The following SEC24C variants were observed in gnomAD, a reference collection of about 807,000 sequenced individuals.
SEC24C encodes the protein SEC24 homolog C, COPII component.
In SEC24C, 22 loss-of-function variants were observed where a neutral mutation model predicts 117.0. The observed-to-expected ratio is 0.19, with a 90% CI of 0.13 to 0.27. SEC24C has a LOEUF of 0.27. Among genes scored for constraint, SEC24C ranks in the 10% least tolerant of loss-of-function variants. The pLI is 1.00. For missense variants in SEC24C, 1,155 were observed against 1,375.1 expected (o/e 0.84, Z 2.53); for synonymous variants, 506 against 529.4 (o/e 0.96, Z 0.61).
In SEC24C at chr10:73,771,515, T is replaced by A. The variant is rs2082982408; in HGVS notation, c.*420T>A. 5.6e-6 allele frequency: 1 copy of A among 179,982 alleles called. No homozygotes were observed. The highest frequency in any genetic ancestry group is 1.2e-4 in the South Asian group (1 of 8,658). 11.1% of individuals were successfully genotyped at this position (179,982 alleles called of 1,614,324 possible). A position where few individuals can be genotyped will look rare whatever the true frequency, so the allele number is the denominator to read the frequency against. On this transcript the variant is annotated 3_prime_UTR_variant, in exon 23 of 23. Coordinates refer to ENST00000345254, the MANE Select transcript of SEC24C (RefSeq NM_198597.3). ...GCTCAGTGTCATCCACAACTTCCTA[T>A]ATTAGGGATAAAACATATAGGTGCA...
intron 8 of SEC24C, among the ~76,000 whole-genome samples, chr10:73,764,351 C>T (rs554116850): frequency 3.9e-5 from 6 of 152,110 alleles, no homozygotes; most frequent in East Asian, 1.9e-4. Flanking sequence ...GGTGAAACCC[C>T]GTCTCTATGA....
chr10:73,770,771 A>G lies in SEC24C; in HGVS notation c.3117A>G (p.Leu1039=), dbSNP rs145752064. ...AGGTTCGAGGCCTCATTGATAGCTTACGGGCACAGAGATCCCGGTACATGA... is the reference window on the plus strand; with the variant it reads ...AGGTTCGAGGCCTCATTGATAGCTTGCGGGCACAGAGATCCCGGTACATGA... The part of the protein sequence containing the change: ...SKKVRGLIDS[L]RAQRSRYMKL... The change falls in exon 22 of 23, where the codon TTA becomes TTG. Residue 1039 remains leucine, a synonymous_variant. Coordinates refer to ENST00000345254, the MANE Select transcript of SEC24C (RefSeq NM_198597.3). 1.4e-5 allele frequency: 22 copies of G among 1,614,058 alleles called. No homozygotes were observed. Among genetic ancestry groups the G allele is most frequent in the Non-Finnish European group, 1.6e-5 (19 of 1,180,038 alleles).
At position 73,751,120 on chromosome 10, in the gene SEC24C, C is replaced by T. The variant is rs1565035833; in HGVS notation, c.185C>T (p.Ala62Val). 6.2e-7 allele frequency: 1 copy of T among 1,613,922 alleles called. No individual in the cohort carries two copies. Among genetic ancestry groups the T allele is most frequent in the Non-Finnish European group, 8.5e-7 (1 of 1,179,868 alleles). ...CCTTTACCCTCAGGTATGTCAAGAG[C>T]CCCACCTTCCTCGGGGGCACCTCCA... ...QQTPPQGMSRAPPSSGAPPAS... is the reference protein window; with the variant it reads ...QQTPPQGMSRVPPSSGAPPAS... Residue 62 changes from alanine to valine, a missense_variant, in exon 3 of 23, where the codon GCC (alanine) becomes GTC (valine). This residue lies in a region of SEC24C where 396 missense variants were observed against 382.8 expected (regional missense o/e 1.03). Transcript: ENST00000345254.
intron 3 of SEC24C, among the ~76,000 whole-genome samples, chr10:73,757,216 A>AT (rs1231791526): frequency 2.0e-3 from 262 of 133,394 alleles, no homozygotes; most frequent in African/African-American, 4.5e-3. Context: ...ACCTGGCCTA[A>AT]TTTTTTTTTT....
At chr10:73,747,380 A>G (rs1019308801) in intron 2 of SEC24C, among the ~76,000 whole-genome samples, 1 of 151,644 alleles carries the variant, frequency 6.6e-6, no homozygotes, top group African/African-American at 2.4e-5. Context: ...ATTTTGAGAT[A>G]GAGTCTCTCT....
At chr10:73,762,708 T>C (rs1407109164) in intron 6 of SEC24C, among the ~76,000 whole-genome samples, 2 of 152,176 alleles carry the variant, frequency 1.3e-5, no homozygotes, top group African/African-American at 4.8e-5. Context: ...CTTTCTGCTA[T>C]GGGATAGAGT....
rs146383433 is a variant in SEC24C, at chr10:73,770,964, G to A, written c.3154G>A (p.Val1052Met). The change falls in exon 23 of 23, where the codon GTG (valine) becomes ATG (methionine). Residue 1052 changes from valine (V) to methionine (M), a missense_variant. Around this residue, in one of 2 missense-constraint regions of SEC24C, gnomAD observed 759 missense variants for 992.3 expected, o/e 0.76. Coordinates refer to ENST00000345254, the MANE Select transcript of SEC24C (RefSeq NM_198597.3). ...TGAATTCTGGCCGTAGCTTACCGTG[G>A]TGAAACAGGAAGACAAGATGGAGAT... ...QRSRYMKLTV[V>M]KQEDKMEMLF... 1.2e-6 allele frequency: 2 copies of A among 1,614,186 alleles called. No homozygotes were observed. The highest frequency in any genetic ancestry group is 3.3e-5 in the Admixed American group (2 of 60,022).
intron 3 of SEC24C, among the ~76,000 whole-genome samples, chr10:73,754,169 CT>C (rs1267923932): frequency 1.3e-5 from 2 of 152,090 alleles, no homozygotes; most frequent in Non-Finnish European, 2.9e-5. Flanking sequence ...AATTCCAGCA[CT>C]TTGGGAGGCC....
chr10:73,745,954 GA>G (rs1435573916), intron 1 of SEC24C, among the ~76,000 whole-genome samples: 1 of 151,764 alleles, frequency 6.6e-6, no homozygotes, highest in African/African-American at 2.4e-5. Context: ...GAGGTCAGGA[GA>G]TCGAGACCAG....
At chr10:73,746,425 T>A (rs747754455) in intron 1 of SEC24C, among the ~76,000 whole-genome samples, 1 of 152,210 alleles carries the variant, frequency 6.6e-6, no homozygotes, top group Non-Finnish European at 1.5e-5. Flanking sequence ...AGTGAATGAA[T>A]GGAAAGTGGG....
At chr10:73,765,312 C>A in intron 8 of SEC24C, 139 bp from the exon 9 acceptor site, 1 of 850,896 alleles carries the variant, frequency 1.2e-6, no homozygotes, top group Non-Finnish European at 1.8e-6. Flanking sequence ...TACTCCCTTT[C>A]ATCATTGTGC....
rs983819471 is a variant in SEC24C at position 73,760,775 on chromosome 10, ACCT to A, written c.914_916del (p.Thr305_Phe306delinsIle). 2.2e-5 allele frequency: 36 copies of A among 1,613,780 alleles called. No individual in the cohort carries two copies. The highest frequency in any genetic ancestry group is 2.9e-5 in the Non-Finnish European group (34 of 1,179,978). ...TGGAGGCCCCTACCCAGCAGCACCCACCTTTGGCAGTCAGCCTGGGCCTCCTCA... is the reference window on the plus strand; with the variant it reads ...TGGAGGCCCCTACCCAGCAGCACCCATTGGCAGTCAGCCTGGGCCTCCTCA... On this transcript the variant is annotated inframe_deletion, in exon 6 of 23. Transcript: ENST00000345254.
At chr10:73,770,068 G>A (rs2082949952) in intron 20 of SEC24C, 53 bp downstream of exon 20, 1 of 1,541,036 alleles carries the variant, frequency 6.5e-7, no homozygotes, top group Non-Finnish European at 9.0e-7. Context: ...GGGCCTCTTA[G>A]GAGGAGGAAA....
At chr10:73,746,050 C>T (rs2082544320) in intron 1 of SEC24C, among the ~76,000 whole-genome samples, 1 of 150,716 alleles carries the variant, frequency 6.6e-6, no homozygotes, top group Admixed American at 6.6e-5. Context: ...ATCCCAGCTA[C>T]TCGGGAGGCT....
In SEC24C at chr10:73,771,941, C is replaced by T. The variant is rs114029318; in HGVS notation, c.*846C>T. 4.5e-3 allele frequency: 825 copies of T among 183,340 alleles called. 7 individuals are homozygous for T. The highest frequency in any genetic ancestry group is 0.018 in the African/African-American group (792 of 42,914). The allele number at this position is 183,340 out of a possible 1,614,324, so 11.4% of individuals were successfully genotyped here. On this transcript the variant is annotated 3_prime_UTR_variant, in exon 23 of 23. Transcript: ENST00000345254. ...GAGGCAGCTGGAGCGCCGTTCTCTC[C>T]TGCTGGGACACCGCTTGGGCTTTGG...
chr10:73,758,994 G>T (rs995111762), intron 3 of SEC24C, among the ~76,000 whole-genome samples: 1 of 152,180 alleles, frequency 6.6e-6, no homozygotes, highest in Non-Finnish European at 1.5e-5. Flanking sequence ...TCAGGAGTTT[G>T]AGACCAGCCT....
In SEC24C at chr10:73,757,300, G is replaced by T. The variant is rs141620851; in HGVS notation, c.309-2322G>T. Among the ~76,000 whole-genome samples the T allele has an allele frequency of 5.0e-3, 745 of 147,552 alleles. 7 individuals carry two copies. The highest frequency in any genetic ancestry group is 0.017 in the African/African-American group (687 of 40,308). On this transcript the variant is annotated intron_variant, in intron 3 of 22. Transcript: ENST00000345254. ...ACACCTTGGGAGGCTGAGACAGGAG[G>T]ATCACTTGAGGCCAGAAGTTTTAGA...
Position 73,771,203 on chromosome 10 carries a change from TC to T in SEC24C, c.*109del, listed in dbSNP as rs2082977134. The T allele has an allele frequency of 8.3e-6, 11 of 1,323,636 alleles. No homozygotes were observed. Among genetic ancestry groups the T allele is most frequent in the African/African-American group, 2.9e-5 (2 of 67,816 alleles). 82.0% of individuals were successfully genotyped at this position (1,323,636 alleles called of 1,614,324 possible). ...TCTTATGTAAGCTGACCTCAGTCTC[TC>T]TGGGGGGAGGGGGAGATATAAGGAG... On this transcript the variant is annotated 3_prime_UTR_variant, in exon 23 of 23. Coordinates refer to ENST00000345254, the MANE Select transcript of SEC24C (RefSeq NM_198597.3).
At chr10:73,762,188 T>G in intron 6 of SEC24C, 1 of 1,287,502 alleles carries the variant, frequency 7.8e-7, no homozygotes, top group Non-Finnish European at 1.0e-6. Flanking sequence ...GGGTGGGTGT[T>G]TGTGCATGTC....
Sources: allele counts gnomAD v4.1 joint callset (sites outside exome capture counted in the v4.1 genomes callset), GRCh38; gene constraint gnomAD v4.1.1; regional missense constraint gnomAD v4.1.1; transcripts MANE v1.5; gene names NCBI Gene and HGNC (gene_info 2026-07-23, HGNC 2026-07-21).